The following LDLRAD4 variants were observed in gnomAD, a reference collection of about 807,000 sequenced individuals.
The protein encoded by LDLRAD4 is low density lipoprotein receptor class A domain containing 4, also known as low-density lipoprotein receptor class A domain-containing protein 4.
A neutral mutation model predicts 17.0 loss-of-function variants in LDLRAD4; 5 were observed. That is an observed-to-expected ratio of 0.29 (90% CI 0.15 to 0.62). The LOEUF (loss-of-function observed/expected upper bound fraction) is 0.62. LDLRAD4 is among the 20% of genes least tolerant of loss of function. LDLRAD4 has a pLI of 0.84. For synonymous variants in LDLRAD4, 168 were observed against 171.8 expected, an observed-to-expected ratio of 0.98 and a Z score of 0.17; for missense variants, 340 against 424.7, an observed-to-expected ratio of 0.80 and a Z score of 1.75.
intron 3 of LDLRAD4, among the ~76,000 whole-genome samples, chr18:13,541,416 A>G (rs1441798097): frequency 6.6e-6 from 1 of 152,232 alleles, no homozygotes; most frequent in East Asian, 1.9e-4. Context: ...AGTGAGAAGC[A>G]TTTGCTCATA....
chr18:13,355,133 C>G (rs1041987631), intron 1 of LDLRAD4, among the ~76,000 whole-genome samples: 2 of 152,194 alleles, frequency 1.3e-5, no homozygotes, highest in African/African-American at 4.8e-5. Flanking sequence ...TTGCAGAGGG[C>G]CTCTCAGATG....
At chr18:13,301,439 G>T (rs892003280) in intron 1 of LDLRAD4, among the ~76,000 whole-genome samples, 3 of 152,004 alleles carry the variant, frequency 2.0e-5, no homozygotes, top group Non-Finnish European at 1.5e-5. Context: ...TGGGGCGAGG[G>T]GGGTGGGGAA....
intron 3 of LDLRAD4, among the ~76,000 whole-genome samples, chr18:13,579,513 G>T (rs938027991): frequency 2.0e-5 from 3 of 152,204 alleles, no homozygotes; most frequent in African/African-American, 4.8e-5. Context: ...TAAGGGGAGA[G>T]AATTCCTTAT....
intron 2 of LDLRAD4, among the ~76,000 whole-genome samples, chr18:13,408,982 T>C (rs994429956): frequency 2.0e-5 from 3 of 152,212 alleles, no homozygotes; most frequent in Admixed American, 1.3e-4. Context: ...CATTTGGCTT[T>C]GTGTGCACAG....
chr18:13,605,764 C>T (rs1027333960), intron 3 of LDLRAD4, among the ~76,000 whole-genome samples: 4 of 152,174 alleles, frequency 2.6e-5, no homozygotes, highest in East Asian at 3.8e-4. Context: ...TGTTGAATGA[C>T]AATTAGCAAA....
intron 3 of LDLRAD4, among the ~76,000 whole-genome samples, chr18:13,593,400 C>A (rs900324116): frequency 3.3e-5 from 4 of 122,512 alleles, no homozygotes; most frequent in African/African-American, 1.0e-4. Flanking sequence ...ATGGATTTGT[C>A]TTCCTGTCCT....
At chr18:13,370,551 A>G (rs1033349915) in intron 1 of LDLRAD4, among the ~76,000 whole-genome samples, 5 of 152,100 alleles carry the variant, frequency 3.3e-5, no homozygotes, top group East Asian at 3.9e-4. Flanking sequence ...CAGCGGCACC[A>G]TATAGTTTAA....
At chr18:13,239,070 C>T (rs547866808) in intron 1 of LDLRAD4, among the ~76,000 whole-genome samples, 1 of 151,816 alleles carries the variant, frequency 6.6e-6, no homozygotes, top group Admixed American at 6.6e-5. Context: ...ACCTGTAATC[C>T]CAGCTACTCA....
At position 13,591,823 on chromosome 18, in the gene LDLRAD4, T is replaced by C. The variant is rs545098346; in HGVS notation, c.182-29294T>C. Among the ~76,000 whole-genome samples the C allele has an allele frequency of 1.9e-3, 286 of 152,342 alleles. 2 individuals carry two copies. Among genetic ancestry groups the C allele is most frequent in the Non-Finnish European group, 3.1e-3 (211 of 68,038 alleles). ...GGCCAATAAAAAATAATGCACACTTTTTAATTGTATGCCACATGCACATGG... is the reference window on the plus strand; with the variant it reads ...GGCCAATAAAAAATAATGCACACTTCTTAATTGTATGCCACATGCACATGG... On this transcript the variant is annotated intron_variant, in intron 3 of 5. Transcript: ENST00000359446.
intron 1 of LDLRAD4, among the ~76,000 whole-genome samples, chr18:13,270,163 G>C (rs1292986185): frequency 1.3e-5 from 2 of 152,110 alleles, no homozygotes; most frequent in African/African-American, 2.4e-5. Flanking sequence ...AGGAGTTTGA[G>C]ACCAGGCTGG....
At chr18:13,371,862 A>G (rs958765957) in intron 1 of LDLRAD4, among the ~76,000 whole-genome samples, 3 of 152,238 alleles carry the variant, frequency 2.0e-5, no homozygotes, top group Non-Finnish European at 4.4e-5. Flanking sequence ...TTACTAATTC[A>G]TGTCTTTATT....
At chr18:13,387,686 C>T (rs1364839805) in exon 2 of LDLRAD4, 5 of 1,609,416 alleles carry the variant, frequency 3.1e-6, no homozygotes, top group East Asian at 2.2e-5. Context: ...GACGGGACAG[C>T]GCAAGAGTTG....
chr18:13,544,963 A>C (rs1019371295), intron 3 of LDLRAD4, among the ~76,000 whole-genome samples: 1 of 148,102 alleles, frequency 6.8e-6, no homozygotes, highest in African/African-American at 2.5e-5. Flanking sequence ...TACTTTTATA[A>C]TTGAAAGTAT....
chr18:13,222,796 C>A (rs1490862582), intron 1 of LDLRAD4, among the ~76,000 whole-genome samples: 1 of 152,264 alleles, frequency 6.6e-6, no homozygotes, highest in Non-Finnish European at 1.5e-5. Context: ...CTGGTCCACA[C>A]TCCCGTTCTT....
intron 1 of LDLRAD4, among the ~76,000 whole-genome samples, chr18:13,333,245 A>G (rs920974852): frequency 1.3e-5 from 2 of 152,092 alleles, no homozygotes; most frequent in African/African-American, 4.8e-5. Flanking sequence ...TCTTTGTCCT[A>G]TTTTTAAATT....
intron 3 of LDLRAD4, among the ~76,000 whole-genome samples, chr18:13,590,090 TG>T (rs1426138903): frequency 6.7e-6 from 1 of 149,870 alleles, no homozygotes; most frequent in East Asian, 2.0e-4. Context: ...CATGTGTGGG[TG>T]TGAGTGTGCA....
intron 3 of LDLRAD4, among the ~76,000 whole-genome samples, chr18:13,547,800 G>A (rs933013936): frequency 1.3e-5 from 2 of 152,222 alleles, no homozygotes; most frequent in East Asian, 1.9e-4. Context: ...CTCCTCCTAT[G>A]TCTGGGCTCC....
intron 1 of LDLRAD4, among the ~76,000 whole-genome samples, chr18:13,301,514 C>T (rs563276120): frequency 5.3e-5 from 8 of 152,260 alleles, no homozygotes; most frequent in African/African-American, 1.9e-4. Flanking sequence ...CGTCTGCACC[C>T]ACAGTGCCAG....
At chr18:13,589,160 C>T (rs1275450869) in intron 3 of LDLRAD4, among the ~76,000 whole-genome samples, 1 of 152,176 alleles carries the variant, frequency 6.6e-6, no homozygotes, top group Non-Finnish European at 1.5e-5. Context: ...TCTCGAACTC[C>T]TGGCCTCAAG....
Sources: allele counts gnomAD v4.1 joint callset (sites outside exome capture counted in the v4.1 genomes callset), GRCh38; gene constraint gnomAD v4.1.1; transcripts MANE v1.5; gene names NCBI Gene and HGNC (gene_info 2026-07-23, HGNC 2026-07-21).